MAST4: variants seen among roughly 807,000 people sequenced by gnomAD.
The protein encoded by MAST4 is microtubule associated serine/threonine kinase family member 4, also known as microtubule-associated serine/threonine-protein kinase 4.
Under a neutral mutation model 162.7 loss-of-function variants are expected in MAST4, and 89 were observed. The ratio of observed to expected loss-of-function variants is 0.55; its 90% confidence interval spans 0.46 to 0.65. The LOEUF (loss-of-function observed/expected upper bound fraction) is 0.65, where lower values mean the gene tolerates loss of function less well. Among genes scored for constraint, MAST4 ranks in the 30% least tolerant of loss-of-function variants. The pLI, the probability that MAST4 is intolerant of heterozygous loss-of-function variation, is 0.00. For synonymous variants in MAST4, 1,479 were observed against 1,361.1 expected (o/e 1.09, Z -1.91); for missense variants, 3,153 against 3,374.0 (o/e 0.93, Z 1.62).
chr5:66,877,399 A>G (rs1761375421), intron 3 of MAST4, among the ~76,000 whole-genome samples: 2 of 152,182 alleles, frequency 1.3e-5, no homozygotes, highest in Admixed American at 6.5e-5. Context: ...TACTGTTAGC[A>G]CCATGTTGCA....
intron 4 of MAST4, among the ~76,000 whole-genome samples, chr5:66,931,407 G>A (rs145815174): frequency 6.6e-6 from 1 of 152,142 alleles, no homozygotes; most frequent in African/African-American, 2.4e-5. Context: ...TCTTTGTTGT[G>A]AGGGTGGAAT....
chr5:66,690,812 C>T (rs774565091), intron 1 of MAST4, among the ~76,000 whole-genome samples: 2 of 152,090 alleles, frequency 1.3e-5, no homozygotes, highest in Non-Finnish European at 2.9e-5. Context: ...CCTGTTCTTC[C>T]GGAACATGAA....
chr5:66,658,498 A>G (rs1300214711), intron 1 of MAST4, among the ~76,000 whole-genome samples: 3 of 152,246 alleles, frequency 2.0e-5, no homozygotes, highest in Non-Finnish European at 4.4e-5. Flanking sequence ...AACAATTAGC[A>G]TATAGTTTTT....
chr5:66,729,112 G>A (rs1751690121), intron 1 of MAST4, among the ~76,000 whole-genome samples: 1 of 152,196 alleles, frequency 6.6e-6, no homozygotes, highest in Non-Finnish European at 1.5e-5. Flanking sequence ...AAGTGCAACA[G>A]CACTTAACTG....
intron 3 of MAST4, among the ~76,000 whole-genome samples, chr5:66,877,653 A>G (rs1172802006): frequency 2.0e-5 from 3 of 152,086 alleles, no homozygotes; most frequent in African/African-American, 7.2e-5. Context: ...GAGGCTGACC[A>G]TTTTCTTTCA....
At chr5:67,124,210 G>A (rs545462700) in intron 14 of MAST4, among the ~76,000 whole-genome samples, 1 of 152,256 alleles carries the variant, frequency 6.6e-6, no homozygotes, top group African/African-American at 2.4e-5. Context: ...CTACCCTTGG[G>A]TTTTCCTGTT....
At chr5:66,864,969 T>G (rs774857511) in intron 3 of MAST4, among the ~76,000 whole-genome samples, 2 of 127,916 alleles carry the variant, frequency 1.6e-5, no homozygotes, top group Non-Finnish European at 3.3e-5. Flanking sequence ...TTAAAACCGG[T>G]AGGATTTGCC....
intron 1 of MAST4, among the ~76,000 whole-genome samples, chr5:66,709,292 G>C (rs963956653): frequency 3.3e-5 from 5 of 152,104 alleles, no homozygotes; most frequent in African/African-American, 1.2e-4. Flanking sequence ...CAGGGAATTT[G>C]TTATGTTCAG....
intron 21 of MAST4, among the ~76,000 whole-genome samples, chr5:67,143,965 G>A (rs1210798970): frequency 1.3e-5 from 2 of 152,110 alleles, no homozygotes; most frequent in Admixed American, 6.5e-5. Flanking sequence ...AGTAGGGAGC[G>A]CTTCCTGCCC....
At chr5:66,691,657 TG>T in intron 1 of MAST4, among the ~76,000 whole-genome samples, 1 of 152,310 alleles carries the variant, frequency 6.6e-6, no homozygotes, top group East Asian at 1.9e-4. Flanking sequence ...GACTTCTTGC[TG>T]TGTCTTCACT....
intron 4 of MAST4, among the ~76,000 whole-genome samples, chr5:66,909,282 G>A (rs1179514524): frequency 1.3e-5 from 2 of 152,116 alleles, no homozygotes; most frequent in Non-Finnish European, 2.9e-5. Flanking sequence ...TGACACATGT[G>A]TTCTGGCTCA....
chr5:66,832,223 T>C (rs1205393698), intron 3 of MAST4, among the ~76,000 whole-genome samples: 1 of 152,136 alleles, frequency 6.6e-6, no homozygotes, highest in Non-Finnish European at 1.5e-5. Context: ...CAATTAAATA[T>C]TACCATTTCC....
intron 10 of MAST4, among the ~76,000 whole-genome samples, chr5:67,106,736 T>C (rs912015893): frequency 6.6e-6 from 1 of 152,176 alleles, no homozygotes; most frequent in Non-Finnish European, 1.5e-5. Context: ...GCCCTTCCTC[T>C]CAATGCATTT....
At chr5:67,150,227 C>A (rs145097979) in intron 24 of MAST4, among the ~76,000 whole-genome samples, 3 of 152,330 alleles carry the variant, frequency 2.0e-5, no homozygotes, top group Admixed American at 6.5e-5. Context: ...CACTACTGAT[C>A]ACTAACTCTG....
chr5:66,860,439 T>G (rs1474922280), intron 3 of MAST4, among the ~76,000 whole-genome samples: 1 of 152,146 alleles, frequency 6.6e-6, no homozygotes, highest in African/African-American at 2.4e-5. Context: ...GGTTCACAAT[T>G]ATGAGAAGTG....
intron 1 of MAST4, among the ~76,000 whole-genome samples, chr5:66,750,588 C>T (rs183786418): frequency 6.6e-6 from 1 of 152,186 alleles, no homozygotes; most frequent in East Asian, 1.9e-4. Flanking sequence ...CTTTTCCGAC[C>T]GGCTTAAAAA....
chr5:66,786,470 A>G (rs1428928697), intron 2 of MAST4, among the ~76,000 whole-genome samples: 1 of 152,190 alleles, frequency 6.6e-6, no homozygotes, highest in Non-Finnish European at 1.5e-5. Context: ...TACAAATAAA[A>G]TATAGAAAAT....
At chr5:67,081,130 G>T (rs1762614244) in intron 5 of MAST4, among the ~76,000 whole-genome samples, 1 of 142,496 alleles carries the variant, frequency 7.0e-6, no homozygotes, top group African/African-American at 2.6e-5. Flanking sequence ...TTTTAACAGA[G>T]GTTTTAAATC....
intron 4 of MAST4, among the ~76,000 whole-genome samples, chr5:66,947,038 G>T (rs529256041): frequency 6.6e-6 from 1 of 152,044 alleles, no homozygotes; most frequent in East Asian, 1.9e-4. Flanking sequence ...CTTGATTATG[G>T]TCCAGTATTT....
Sources: allele counts gnomAD v4.1 joint callset (sites outside exome capture counted in the v4.1 genomes callset), GRCh38; gene constraint gnomAD v4.1.1; transcripts MANE v1.5; gene names NCBI Gene and HGNC (gene_info 2026-07-23, HGNC 2026-07-21).